The following ERG variants were observed in gnomAD, a reference collection of about 807,000 sequenced individuals.
The protein encoded by ERG is transcriptional regulator ERG.
In ERG, 9 loss-of-function variants were observed where a neutral mutation model predicts 55.3. That is an observed-to-expected ratio of 0.16 (90% CI 0.10 to 0.28). The LOEUF is 0.28. Ranked by LOEUF, ERG falls within the 10% of genes least tolerant of loss-of-function variation. ERG has a pLI of 1.00. For missense variants in ERG, 434 were observed against 631.6 expected (o/e 0.69, Z 3.35); for synonymous variants, 223 against 237.3 (o/e 0.94, Z 0.55).
At chr21:38,614,699 A>C (rs1403924651) in intron 1 of ERG, among the ~76,000 whole-genome samples, 3 of 152,232 alleles carry the variant, frequency 2.0e-5, no homozygotes, top group African/African-American at 7.2e-5. Context: ...GCTCAAGTCC[A>C]GGTCTCTCCT....
chr21:38,605,384 C>T (rs1461710879), intron 1 of ERG, among the ~76,000 whole-genome samples: 1 of 152,148 alleles, frequency 6.6e-6, no homozygotes, highest in Non-Finnish European at 1.5e-5. Flanking sequence ...ACATGGTAGA[C>T]TCGCCTGAGA....
downstream of ERG, among the ~76,000 whole-genome samples, chr21:38,379,537 G>A (rs1987334181): frequency 6.6e-6 from 1 of 152,010 alleles, no homozygotes; most frequent in Non-Finnish European, 1.5e-5. Flanking sequence ...CATATAACAT[G>A]CTTCCTGCAG....
chr21:38,586,255 T>C (rs911376379), upstream of ERG, among the ~76,000 whole-genome samples: 2 of 145,554 alleles, frequency 1.4e-5, no homozygotes, highest in Admixed American at 7.0e-5. Context: ...ATGGCTAAAG[T>C]AAGCTAATTA....
intron 1 of ERG, among the ~76,000 whole-genome samples, chr21:38,637,666 A>G (rs462588): frequency 0.34 from 52,062 of 152,110 alleles, 9,868 homozygotes; most frequent in East Asian, 0.65. Context: ...AATAATAATA[A>G]AAGACTTTAA....
intron 1 of ERG, chr21:38,472,095 A>G (rs775809116): frequency 3.9e-5 from 6 of 152,206 alleles, no homozygotes; most frequent in African/African-American, 7.2e-5. Flanking sequence ...AACAAAAGAT[A>G]CACCAGAATG....
At chr21:38,640,754 T>C (rs1047314885) in intron 1 of ERG, among the ~76,000 whole-genome samples, 3 of 152,014 alleles carry the variant, frequency 2.0e-5, no homozygotes, top group South Asian at 4.2e-4. Flanking sequence ...GGTGTGAAAA[T>C]GGACTAATAC....
chr21:38,421,956 G>A lies in ERG; in HGVS notation c.388+1454C>T, dbSNP rs192508089. ...CAACCTCTGCCTCTCTGGTTCAAGCGATTCTCCTGCCTCAGCCTCCCAAAG... is the reference window on the plus strand; with the variant it reads ...CAACCTCTGCCTCTCTGGTTCAAGCAATTCTCCTGCCTCAGCCTCCCAAAG... On this transcript the variant is annotated intron_variant, in intron 3 of 9. Coordinates refer to ENST00000288319, the MANE Select transcript of ERG (RefSeq NM_182918.4). Among the ~76,000 whole-genome samples, 1,207 of 152,322 alleles carry A rather than the reference G, an allele frequency of 7.9e-3. 8 individuals carry two copies. The highest frequency in any genetic ancestry group is 0.012 in the Non-Finnish European group (823 of 68,022).
chr21:38,372,650 T>C, the ERG span, among the ~76,000 whole-genome samples: 3 of 152,220 alleles, frequency 2.0e-5, no homozygotes, highest in African/African-American at 7.2e-5. Context: ...ATAATTACTT[T>C]AGGTCTGAGT....
At chr21:38,517,210 G>C (rs1420226885) in intron 2 of ERG, among the ~76,000 whole-genome samples, 2 of 151,762 alleles carry the variant, frequency 1.3e-5, no homozygotes, top group African/African-American at 4.8e-5. Context: ...TTTGTAAACT[G>C]TTCATCTAGT....
chr21:38,603,761 G>A (rs999770411), intron 1 of ERG, among the ~76,000 whole-genome samples: 2 of 152,000 alleles, frequency 1.3e-5, no homozygotes, highest in African/African-American at 2.4e-5. Context: ...GGAGGAAAGC[G>A]GAAGAACAGT....
intron 1 of ERG, among the ~76,000 whole-genome samples, chr21:38,644,200 A>G (rs462365): frequency 0.02 from 3,086 of 152,330 alleles, 78 homozygotes; most frequent in East Asian, 0.12. Flanking sequence ...CTGAAATCCA[A>G]TGGAAGAGGC....
chr21:38,649,081 A>G (rs1244395764), intron 1 of ERG, among the ~76,000 whole-genome samples: 1 of 152,214 alleles, frequency 6.6e-6, no homozygotes, highest in Non-Finnish European at 1.5e-5. Flanking sequence ...TGTTCAGCCC[A>G]AAGGAAAAAA....
chr21:38,456,637 C>T (rs960000237), intron 1 of ERG, among the ~76,000 whole-genome samples: 4 of 152,178 alleles, frequency 2.6e-5, no homozygotes, highest in Non-Finnish European at 5.9e-5. Context: ...ATAACGCAGA[C>T]ATGAACACAG....
chr21:38,419,588 A>G (rs1989444727), intron 3 of ERG, among the ~76,000 whole-genome samples: 1 of 152,168 alleles, frequency 6.6e-6, no homozygotes, highest in Non-Finnish European at 1.5e-5. Context: ...ACTTTAGTCC[A>G]TTCTCCACAT....
chr21:38,588,767 G>T (rs1357158075), upstream of ERG, among the ~76,000 whole-genome samples: 2 of 152,092 alleles, frequency 1.3e-5, no homozygotes, highest in Non-Finnish European at 2.9e-5. Flanking sequence ...ATCCAGGCTG[G>T]TGTGCAGTGG....
chr21:38,429,112 T>C (rs1349519749), intron 2 of ERG, among the ~76,000 whole-genome samples: 3 of 152,126 alleles, frequency 2.0e-5, no homozygotes, highest in Non-Finnish European at 4.4e-5. Context: ...GCTTAGCTTC[T>C]AGTTATAAGT....
intron 2 of ERG, among the ~76,000 whole-genome samples, chr21:38,513,255 A>G (rs1477504710): frequency 2.0e-5 from 3 of 152,180 alleles, no homozygotes; most frequent in African/African-American, 7.2e-5. Flanking sequence ...CATCGACTTT[A>G]TTAAATACAC....
chr21:38,582,522 G>T (rs1204742194), intron 1 of ERG, among the ~76,000 whole-genome samples: 2 of 152,204 alleles, frequency 1.3e-5, no homozygotes, highest in African/African-American at 4.8e-5. Context: ...CAGTGCAAGA[G>T]TTGGCCTGTA....
chr21:38,586,284 A>T (rs1043986774), upstream of ERG, among the ~76,000 whole-genome samples: 1 of 147,250 alleles, frequency 6.8e-6, no homozygotes, highest in Admixed American at 6.8e-5. Flanking sequence ...ATTACCTCAC[A>T]TACTTATTTT....
Sources: gnomAD v4.1 joint callset for allele counts (sites outside exome capture counted in the v4.1 genomes callset) on GRCh38, gnomAD v4.1.1 for gene constraint, MANE v1.5 for transcripts, NCBI Gene and HGNC (gene_info 2026-07-23, HGNC 2026-07-21) for gene names.